EPHA5: variants seen among roughly 807,000 people sequenced by gnomAD.
EPHA5 encodes the protein ephrin type-A receptor 5.
A neutral mutation model predicts 105.0 loss-of-function variants in EPHA5; 60 were observed. The observed-to-expected ratio is 0.57, with a 90% CI of 0.46 to 0.71. The LOEUF (loss-of-function observed/expected upper bound fraction) is 0.71, where lower values mean the gene tolerates loss of function less well. EPHA5 is among the 30% of genes least tolerant of loss of function. The pLI is 0.00. For missense variants in EPHA5, 1,218 were observed against 1,274.7 expected, an observed-to-expected ratio of 0.96 and a Z score of 0.68; for synonymous variants, 513 against 449.1, an observed-to-expected ratio of 1.14 and a Z score of -1.80.
intron 2 of EPHA5, among the ~76,000 whole-genome samples, chr4:65,608,077 C>T (rs1229860823): frequency 6.6e-6 from 1 of 152,148 alleles, no homozygotes; most frequent in Non-Finnish European, 1.5e-5. Flanking sequence ...GGAGGGATAG[C>T]ATTAGGAAAA....
At chr4:65,537,136 AG>A (rs1023747892) in intron 3 of EPHA5, among the ~76,000 whole-genome samples, 2 of 151,846 alleles carry the variant, frequency 1.3e-5, no homozygotes, top group Non-Finnish European at 3.0e-5. Context: ...AAATAAAAGA[AG>A]GTACTGAACA....
intron 3 of EPHA5, among the ~76,000 whole-genome samples, chr4:65,565,785 A>G (rs1006506285): frequency 1.1e-4 from 17 of 151,700 alleles, no homozygotes; most frequent in African/African-American, 4.1e-4. Context: ...AAATGCAATA[A>G]AAAAATTACA....
At chr4:65,569,928 G>C (rs1187989015) in intron 3 of EPHA5, among the ~76,000 whole-genome samples, 1 of 151,688 alleles carries the variant, frequency 6.6e-6, no homozygotes, top group Non-Finnish European at 1.5e-5. Context: ...CCCTGCTATA[G>C]ATGATGCCCT....
chr4:65,330,911 A>G lies in EPHA5; in HGVS notation c.2945+1062T>C. The G allele has an allele frequency of 2.9e-6, 3 of 1,039,132 alleles. No homozygotes were observed. The South Asian group carries it at 1.4e-4, about 48-fold the overall frequency. The allele number at this position is 1,039,132 out of a possible 1,614,324, so 64.4% of individuals were successfully genotyped here. ...TCAGGTCCTTTTAGTTATCGGTATG[A>G]AGGAAGAGAATGCTGAGAATGTGAC... On this transcript the variant is annotated intron_variant, in intron 16 of 16. Transcript: ENST00000613740.
intron 5 of EPHA5, among the ~76,000 whole-genome samples, chr4:65,434,384 C>G (rs965980772): frequency 1.3e-5 from 2 of 152,034 alleles, no homozygotes; most frequent in South Asian, 2.1e-4. Context: ...TGTGTCTAAT[C>G]TATATCATTT....
chr4:65,353,000 A>G, intron 12 of EPHA5, 42 bp downstream of exon 12: 1 of 1,342,186 alleles, frequency 7.5e-7, no homozygotes, highest in Non-Finnish European at 1.0e-6. Context: ...ATCACAATAT[A>G]TAAATAACAC....
intron 8 of EPHA5, among the ~76,000 whole-genome samples, chr4:65,389,610 A>C (rs1449751595): frequency 6.6e-6 from 1 of 152,022 alleles, no homozygotes; most frequent in Non-Finnish European, 1.5e-5. Flanking sequence ...TGTTGGCAGG[A>C]TCTGTGCATT....
intron 5 of EPHA5, among the ~76,000 whole-genome samples, chr4:65,489,163 C>T (rs1031106316): frequency 2.0e-5 from 3 of 152,056 alleles, no homozygotes; most frequent in Non-Finnish European, 2.9e-5. Flanking sequence ...TCCCAAAGTG[C>T]TGGGATTACG....
chr4:65,524,390 A>G (rs577303889), intron 3 of EPHA5, among the ~76,000 whole-genome samples: 1 of 151,704 alleles, frequency 6.6e-6, no homozygotes, highest in Admixed American at 6.6e-5. Context: ...ATATTTTTAT[A>G]CTCTAACAAA....
chr4:65,527,863 GC>G, intron 3 of EPHA5, among the ~76,000 whole-genome samples: 2 of 151,968 alleles, frequency 1.3e-5, no homozygotes, highest in Admixed American at 1.3e-4. Flanking sequence ...TCTCCGAAAG[GC>G]CCCAGTGAGT....
At chr4:65,419,514 A>G (rs146015268) in intron 6 of EPHA5, among the ~76,000 whole-genome samples, 161 of 152,010 alleles carry the variant, frequency 1.1e-3, no homozygotes, top group Non-Finnish European at 1.9e-3. Context: ...TTCTATTCCT[A>G]CCTCCATAGG....
chr4:65,586,009 T>A (rs1742085856), intron 3 of EPHA5, among the ~76,000 whole-genome samples: 2 of 149,334 alleles, frequency 1.3e-5, no homozygotes, highest in African/African-American at 4.9e-5. Flanking sequence ...AAAACAAAAA[T>A]AGGAGAAAAG....
chr4:65,389,874 C>T (rs942241025), intron 8 of EPHA5, among the ~76,000 whole-genome samples: 6 of 151,926 alleles, frequency 3.9e-5, no homozygotes, highest in Admixed American at 6.6e-5. Flanking sequence ...ACTTGGGAAA[C>T]AGAGGTTTTC....
intron 5 of EPHA5, among the ~76,000 whole-genome samples, chr4:65,470,495 A>G (rs917426199): frequency 2.0e-4 from 30 of 152,146 alleles, no homozygotes; most frequent in African/African-American, 7.2e-4. Context: ...CCTGGTGAAG[A>G]TTTTCCTAAA....
chr4:65,407,361 A>G (rs545634565), intron 7 of EPHA5, among the ~76,000 whole-genome samples: 4 of 152,276 alleles, frequency 2.6e-5, no homozygotes, highest in African/African-American at 9.6e-5. Flanking sequence ...ATTAAATTTG[A>G]GAAAAAATAT....
intron 15 of EPHA5, among the ~76,000 whole-genome samples, chr4:65,335,424 C>T (rs1008181210): frequency 9.9e-5 from 15 of 151,952 alleles, no homozygotes; most frequent in Non-Finnish European, 7.4e-5. Context: ...AAACTACATG[C>T]TAAATAACCA....
chr4:65,615,996 C>A (rs1179205306), intron 2 of EPHA5, among the ~76,000 whole-genome samples: 1 of 151,882 alleles, frequency 6.6e-6, no homozygotes, highest in African/African-American at 2.4e-5. Flanking sequence ...ATGTTCATAG[C>A]AGTTTTGTTT....
intron 10 of EPHA5, 75 bp downstream of exon 10, chr4:65,365,857 A>T (rs1458211366): frequency 7.1e-7 from 1 of 1,408,834 alleles, no homozygotes; most frequent in Non-Finnish European, 9.7e-7. Flanking sequence ...ATTCTCTGTT[A>T]CATCAGGACA....
chr4:65,325,391 GTATT>G (rs1245134093), intron 16 of EPHA5, among the ~76,000 whole-genome samples: 1 of 151,234 alleles, frequency 6.6e-6, no homozygotes, highest in East Asian at 1.9e-4. Flanking sequence ...TTCCAAAATA[GTATT>G]TTAGTTTTCT....
Sources: gnomAD v4.1 joint callset for allele counts (sites outside exome capture counted in the v4.1 genomes callset) on GRCh38, gnomAD v4.1.1 for gene constraint, MANE v1.5 for transcripts, NCBI Gene and HGNC (gene_info 2026-07-23, HGNC 2026-07-21) for gene names.